The following PTAFR variants were observed in gnomAD, a reference collection of about 807,000 sequenced individuals.
The protein encoded by PTAFR is platelet activating factor receptor, also known as platelet-activating factor receptor.
PTAFR carries 8 observed loss-of-function variants against 14.7 expected under a neutral mutation model. That is an observed-to-expected ratio of 0.54 (90% CI 0.32 to 0.98). The LOEUF (loss-of-function observed/expected upper bound fraction) is 0.98, where lower values mean the gene tolerates loss of function less well. PTAFR is among the 50% of genes least tolerant of loss of function. The pLI is 0.04. For missense variants in PTAFR, 337 were observed against 451.2 expected, an observed-to-expected ratio of 0.75 and a Z score of 2.29; for synonymous variants, 156 against 176.5, an observed-to-expected ratio of 0.88 and a Z score of 0.92.
At chr1:28,193,375 G>GT in intron 1 of PTAFR, among the ~76,000 whole-genome samples, 1 of 152,208 alleles carries the variant, frequency 6.6e-6, no homozygotes, top group South Asian at 2.1e-4. Flanking sequence ...GCCCGTTCGT[G>GT]TATGTGTATA....
At chr1:28,173,990 C>T (rs909027150) in intron 1 of PTAFR, among the ~76,000 whole-genome samples, 7 of 152,128 alleles carry the variant, frequency 4.6e-5, no homozygotes, top group South Asian at 2.1e-4. Flanking sequence ...ACATGCAGCC[C>T]GGATATGCTC....
chr1:28,161,416 G>A (rs1646322288), intron 1 of PTAFR, among the ~76,000 whole-genome samples: 2 of 152,296 alleles, frequency 1.3e-5, no homozygotes, highest in East Asian at 1.9e-4. Context: ...TCAAAAATAA[G>A]TGGAGCAACA....
chr1:28,155,277 C>A (rs182199066), intron 1 of PTAFR, among the ~76,000 whole-genome samples: 1 of 152,296 alleles, frequency 6.6e-6, no homozygotes, highest in Admixed American at 6.5e-5. Flanking sequence ...GTGGTGCAAT[C>A]TCGGCTCACT....
At chr1:28,164,711 C>T (rs1646362774) in intron 1 of PTAFR, among the ~76,000 whole-genome samples, 1 of 152,206 alleles carries the variant, frequency 6.6e-6, no homozygotes, top group African/African-American at 2.4e-5. Context: ...TTCTGACTCT[C>T]CTAGAACAAG....
rs1403835582 is a variant in PTAFR at position 28,150,271 on chromosome 1, C to T, written c.751G>A (p.Val251Met). 1.2e-6 allele frequency: 2 copies of T among 1,612,224 alleles called. No homozygotes were observed. Among genetic ancestry groups the T allele is most frequent in the South Asian group, 2.2e-5 (2 of 90,970 alleles). ...TCAGCAAGGGTCCAGGGCAGCTGCA[C>T]CACGTGGTGGGGCACGAAGCAGATG... ...FIICFVPHHVVQLPWTLAELG... is the reference protein window; with the variant it reads ...FIICFVPHHVMQLPWTLAELG... The change falls in exon 2 of 2, where the codon GTG becomes ATG. Residue 251 changes from valine to methionine, a missense_variant. By Grantham distance (21) the Val-to-Met change is conservative. Coordinates refer to ENST00000373857, the MANE Select transcript of PTAFR (RefSeq NM_000952.5). The surrounding 1 kb of genome is among the most constrained non-coding windows in gnomAD (Gnocchi z 6.3).
intron 1 of PTAFR, among the ~76,000 whole-genome samples, chr1:28,174,102 G>A (rs1231620885): frequency 1.3e-5 from 2 of 152,042 alleles, no homozygotes; most frequent in Admixed American, 1.3e-4. Context: ...CACACCAGAG[G>A]CTTCTCCCCG....
At chr1:28,171,075 C>T (rs948616032) in intron 1 of PTAFR, among the ~76,000 whole-genome samples, 1 of 152,024 alleles carries the variant, frequency 6.6e-6, no homozygotes, top group South Asian at 2.1e-4. Flanking sequence ...GTAATCCCAG[C>T]ACTCTGGGAG....
At chr1:28,168,680 T>G (rs899315850) in intron 1 of PTAFR, among the ~76,000 whole-genome samples, 8 of 152,166 alleles carry the variant, frequency 5.3e-5, no homozygotes, top group Non-Finnish European at 1.2e-4. Flanking sequence ...TTTTTGTTTG[T>G]TTGTTTGAAA....
intron 1 of PTAFR, among the ~76,000 whole-genome samples, chr1:28,160,643 AGGAACCCAACCT>A (rs1646313664): frequency 4.2e-5 from 6 of 143,828 alleles, no homozygotes; most frequent in Admixed American, 1.6e-4. Context: ...TTGGCTTCCC[AGGAACCCAACCT>A]AGGAGATTGT....
At chr1:28,151,320 C>T (rs1313994724) in intron 1 of PTAFR, among the ~76,000 whole-genome samples, 1 of 152,056 alleles carries the variant, frequency 6.6e-6, no homozygotes, top group African/African-American at 2.4e-5. Context: ...GCTGGGATTA[C>T]AGGCATGCAC....
chr1:28,151,754 A>G (rs539792178), intron 1 of PTAFR, among the ~76,000 whole-genome samples: 2 of 152,242 alleles, frequency 1.3e-5, no homozygotes, highest in South Asian at 2.1e-4. Flanking sequence ...CCCTTTTGCC[A>G]TGTGAGGTCA....
rs75746299 is a variant in PTAFR at position 28,156,953 on chromosome 1, C to T, written c.-38-5894G>A. 7.8e-3 allele frequency among the ~76,000 whole-genome samples: 1,188 copies of T among 152,150 alleles called. 20 individuals are homozygous for T. The highest frequency in any genetic ancestry group is 0.027 in the African/African-American group (1,124 of 41,512). On this transcript the variant is annotated intron_variant, in intron 1 of 1. Transcript: ENST00000373857. ...GGGCAGTCAGGTCCGCACCTCCCTG[C>T]TACCCCCGCCCCCTTGCCCATCACA...
intron 1 of PTAFR, among the ~76,000 whole-genome samples, chr1:28,154,274 T>C (rs1029349202): frequency 6.6e-6 from 1 of 152,110 alleles, no homozygotes; most frequent in Non-Finnish European, 1.5e-5. Flanking sequence ...GGTGGTTATA[T>C]GACTTGTGCA....
chr1:28,161,375 G>C (rs963558997), intron 1 of PTAFR, among the ~76,000 whole-genome samples: 1 of 152,174 alleles, frequency 6.6e-6, no homozygotes, highest in African/African-American at 2.4e-5. Context: ...TCCTGCTCTC[G>C]AGGAGCTTAC....
At chr1:28,163,598 C>G (rs1646349908) in intron 1 of PTAFR, among the ~76,000 whole-genome samples, 1 of 152,210 alleles carries the variant, frequency 6.6e-6, no homozygotes, top group Non-Finnish European at 1.5e-5. Context: ...CCTCGCCTCT[C>G]TAACCTTCAA....
intron 1 of PTAFR, among the ~76,000 whole-genome samples, chr1:28,161,066 T>C: frequency 6.6e-6 from 1 of 152,196 alleles, no homozygotes; most frequent in East Asian, 1.9e-4. Context: ...CCTCCCTTCC[T>C]TGTCATTGTC....
At chr1:28,156,684 A>G (rs1646266859) in intron 1 of PTAFR, among the ~76,000 whole-genome samples, 1 of 152,212 alleles carries the variant, frequency 6.6e-6, no homozygotes, top group African/African-American at 2.4e-5. Context: ...TTAAGGATAT[A>G]AAAGGACCCT....
At chr1:28,169,005 AAAAAG>A (rs986667006) in intron 1 of PTAFR, among the ~76,000 whole-genome samples, 30 of 152,216 alleles carry the variant, frequency 2.0e-4, no homozygotes, top group African/African-American at 3.4e-4. Context: ...CAGGATTTAA[AAAAAG>A]AAAAGAAAAG....
chr1:28,173,417 G>A (rs1393582629), intron 1 of PTAFR, among the ~76,000 whole-genome samples: 2 of 151,836 alleles, frequency 1.3e-5, no homozygotes, highest in East Asian at 3.9e-4. Flanking sequence ...ACTAGCCTGG[G>A]CATCATGTCA....
Sources: allele counts gnomAD v4.1 joint callset (sites outside exome capture counted in the v4.1 genomes callset), GRCh38; gene constraint gnomAD v4.1.1; non-coding constraint Gnocchi (gnomAD v3.1); transcripts MANE v1.5; gene names NCBI Gene and HGNC (gene_info 2026-07-23, HGNC 2026-07-21).